Variants in KARS1 observed in about 807,000 individuals in gnomAD.
The protein encoded by KARS1 is lysine--tRNA ligase.
A neutral mutation model predicts 63.9 loss-of-function variants in KARS1; 50 were observed. The observed-to-expected ratio is 0.78, with a 90% CI of 0.62 to 0.99. KARS1 has a LOEUF of 0.99. Ranked by LOEUF, KARS1 falls within the 50% of genes least tolerant of loss-of-function variation. KARS1 has a pLI of 0.00. For missense variants in KARS1, 816 were observed against 754.5 expected (o/e 1.08, Z -0.95); for synonymous variants, 320 against 264.6 (o/e 1.21, Z -2.03).
chr16:75,628,491 C>T (rs989395158), intron 13 of KARS1, 78 bp downstream of exon 13: 1 of 1,535,672 alleles, frequency 6.5e-7, no homozygotes, highest in African/African-American at 1.4e-5. Flanking sequence ...TAATTTTATC[C>T]TCCAGGCCCA....
Position 75,636,034 on chromosome 16 carries a change from C to T in KARS1, c.547G>A (p.Gly183Arg). 1 of 1,610,320 alleles carries T rather than the reference C, an allele frequency of 6.2e-7. No individual in the cohort carries two copies. The highest frequency in any genetic ancestry group is 1.1e-5 in the South Asian group (1 of 90,984). Residue 183 changes from glycine (G) to arginine (R), a missense_variant, in exon 5 of 14, where the codon GGA (glycine) becomes AGA (arginine). By Grantham distance (125) the Gly-to-Arg change is moderately radical. Transcript: ENST00000302445. Reference protein sequence around the residue: ...NNKLRRGDIIGVQGNPGKTKK... With the variant: ...NNKLRRGDIIRVQGNPGKTKK... ...GTTTTACCAGGATTCCCCTGAACTC[C>T]AATTATGTCTCCCCGACGCAGTTTG...
intron 1 of KARS1, chr16:75,644,385 C>G (rs578202049): frequency 1.2e-6 from 2 of 1,612,126 alleles, no homozygotes; most frequent in African/African-American, 2.7e-5. Flanking sequence ...GGAGGTTTTG[C>G]GCAGGGACCC....
rs758701435 is a variant in KARS1 at position 75,640,394 on chromosome 16, G to T, written c.223-45C>A. 1.9e-6 allele frequency: 3 copies of T among 1,595,818 alleles called. No individual in the cohort carries two copies. In the African/African-American group the frequency reaches 4.0e-5, roughly 22 times the overall value. ...AAAAGCCCTTCAGAAGTTGAACCTG[G>T]TCAGACCAGTGGGGCCCACCTAGCA... On this transcript the variant is annotated intron_variant, in intron 2 of 13. Coordinates refer to ENST00000302445, the MANE Select transcript of KARS1 (RefSeq NM_005548.3).
At chr16:75,645,337 C>T (rs371153528) in intron 1 of KARS1, among the ~76,000 whole-genome samples, 12 of 152,214 alleles carry the variant, frequency 7.9e-5, no homozygotes, top group Non-Finnish European at 1.0e-4. Context: ...CAGATCCGTG[C>T]TCCAGTGCTC....
rs537697641 is a variant in KARS1 at position 75,631,051 on chromosome 16, G to C, written c.1338+117C>G. 2.4e-4 allele frequency: 186 copies of C among 772,956 alleles called. 3 individuals are homozygous for C. The South Asian group carries it at 2.6e-3, about 11-fold the overall frequency. The allele number at this position is 772,956 out of a possible 1,614,324, so 47.9% of individuals were successfully genotyped here. A position where few individuals can be genotyped will look rare whatever the true frequency, so the allele number is the denominator to read the frequency against. ...TGTTAATTCTCTTGTTCTCTCTCTA[G>C]GGTTTTCCTGTGAAGCTGCAGAAAT... On this transcript the variant is annotated intron_variant, in intron 10 of 13. Transcript: ENST00000302445.
At chr16:75,637,901 A>G (rs1320731896) in intron 3 of KARS1, among the ~76,000 whole-genome samples, 1 of 73,422 alleles carries the variant, frequency 1.4e-5, no homozygotes, top group Non-Finnish European at 2.5e-5. Context: ...AAAAGAGACC[A>G]AAAAAAAAAA....
At chr16:75,629,208 G>T (rs58508930) in intron 12 of KARS1, among the ~76,000 whole-genome samples, 3 of 152,096 alleles carry the variant, frequency 2.0e-5, no homozygotes, top group Non-Finnish European at 4.4e-5. Context: ...CTTTCCATAC[G>T]GAGATTAATA....
At chr16:75,639,163 C>G (rs189214946) in intron 3 of KARS1, among the ~76,000 whole-genome samples, 1 of 150,796 alleles carries the variant, frequency 6.6e-6, no homozygotes, top group East Asian at 1.9e-4. Flanking sequence ...AGCAAGACTT[C>G]GCCTCAAAAA....
chr16:75,635,427 T>C lies in KARS1; in HGVS notation c.795+253A>G, dbSNP rs567305495. 83 of 430,550 alleles carry C rather than the reference T, an allele frequency of 1.9e-4. 1 individual carries two copies. In the South Asian group the frequency reaches 2.0e-3, roughly 11 times the overall value. The allele number at this position is 430,550 out of a possible 1,614,324, so 26.7% of individuals were successfully genotyped here. ...TTCTTAATGCTACAAAAAAGCAAAA[T>C]GACGTGAATACATATTGAATGTGAC... On this transcript the variant is annotated intron_variant, in intron 6 of 13. Coordinates refer to ENST00000302445, the MANE Select transcript of KARS1 (RefSeq NM_005548.3).
At chr16:75,634,534 G>C (rs1337703669) in intron 6 of KARS1, among the ~76,000 whole-genome samples, 1 of 152,122 alleles carries the variant, frequency 6.6e-6, no homozygotes, top group Non-Finnish European at 1.5e-5. Context: ...CTGTAAATTA[G>C]AATCTAAATG....
At chr16:75,639,981 G>T (rs375094347) in intron 3 of KARS1, 24 of 597,822 alleles carry the variant, frequency 4.0e-5, no homozygotes, top group East Asian at 1.1e-4. Flanking sequence ...TCTCTTTGTA[G>T]CACTACCTCA....
At chr16:75,647,507 G>C in intron 1 of KARS1, 71 bp downstream of exon 1, 1 of 1,415,196 alleles carries the variant, frequency 7.1e-7, no homozygotes, top group Non-Finnish European at 9.9e-7. Flanking sequence ...AGCCTTGGTG[G>C]GAACCTCGCG....
chr16:75,644,601 A>G, intron 1 of KARS1: 1 of 546,394 alleles, frequency 1.8e-6, no homozygotes, highest in East Asian at 2.9e-5. Flanking sequence ...GTCTTAACTG[A>G]TAGCAACCCT....
chr16:75,629,658 G>A (rs1266548975), intron 11 of KARS1, 117 bp from the exon 12 acceptor site: 1 of 1,121,078 alleles, frequency 8.9e-7, no homozygotes, highest in Non-Finnish European at 1.3e-6. Flanking sequence ...GGAGTGCAGT[G>A]GTGTGATCTC....
In KARS1 at chr16:75,640,478, C is replaced by G. The variant is rs551136360; in HGVS notation, c.223-129G>C. On this transcript the variant is annotated intron_variant, in intron 2 of 13. Coordinates refer to ENST00000302445, the MANE Select transcript of KARS1 (RefSeq NM_005548.3). ...ACATTGTTTTCTTTAACCAAGACCT[C>G]TGCATTACAGGATTGAATATGGAGT... 1.6e-5 allele frequency: 13 copies of G among 838,186 alleles called. No individual in the cohort carries two copies. In the Admixed American group the frequency reaches 2.2e-4, roughly 14 times the overall value. 51.9% of individuals were successfully genotyped at this position (838,186 alleles called of 1,614,324 possible).
chr16:75,635,853 G>A, intron 5 of KARS1, 48 bp from the exon 6 acceptor site: 1 of 1,614,066 alleles, frequency 6.2e-7, no homozygotes, highest in Non-Finnish European at 8.5e-7. Flanking sequence ...CTGATCCAAA[G>A]GTATGATAAA....
At chr16:75,637,777 C>A (rs1488090060) in intron 3 of KARS1, among the ~76,000 whole-genome samples, 37 of 109,742 alleles carry the variant, frequency 3.4e-4, no homozygotes, top group Non-Finnish European at 4.8e-4. Context: ...AAAACTCAGT[C>A]TCAAAAAAAA....
At chr16:75,646,778 C>T (rs1010468950) in intron 1 of KARS1, among the ~76,000 whole-genome samples, 5 of 151,804 alleles carry the variant, frequency 3.3e-5, no homozygotes, top group African/African-American at 1.2e-4. Flanking sequence ...TCCCGAGTAG[C>T]TGGGATAACA....
At chr16:75,645,683 C>T (rs578196113) in intron 1 of KARS1, among the ~76,000 whole-genome samples, 1 of 151,984 alleles carries the variant, frequency 6.6e-6, no homozygotes, top group South Asian at 2.1e-4. Flanking sequence ...CCCGTCTCTA[C>T]TAAAACACAA....
Sources: gnomAD v4.1 joint callset for allele counts (sites outside exome capture counted in the v4.1 genomes callset) on GRCh38, gnomAD v4.1.1 for gene constraint, MANE v1.5 for transcripts, NCBI Gene and HGNC (gene_info 2026-07-23, HGNC 2026-07-21) for gene names.